SLC22A12: variants seen among roughly 807,000 people sequenced by gnomAD.
SLC22A12 encodes the protein solute carrier family 22 member 12.
SLC22A12 carries 56 observed loss-of-function variants against 52.7 expected under a neutral mutation model. That is an observed-to-expected ratio of 1.06 (90% CI 0.86 to 1.33). The LOEUF (loss-of-function observed/expected upper bound fraction) is 1.33, where lower values mean the gene tolerates loss of function less well. Among genes scored for constraint, SLC22A12 ranks in the 40% most tolerant of loss-of-function variants. The probability of loss-of-function intolerance (pLI) is 0.00; values close to 1 mark genes in which losing one functional copy is unlikely to be tolerated. For synonymous variants in SLC22A12, 337 were observed against 324.6 expected (o/e 1.04, Z -0.41); for missense variants, 683 against 741.5 (o/e 0.92, Z 0.92).
intron 1 of SLC22A12, 49 bp from the exon 2 acceptor site, chr11:64,592,730 G>C (rs750448848): frequency 6.1e-5 from 93 of 1,514,034 alleles, no homozygotes; most frequent in Non-Finnish European, 7.1e-5. Flanking sequence ...CTGCCTCTCT[G>C]CTGGGGCTCT....
At chr11:64,596,783 G>A (rs2039260636) in intron 4 of SLC22A12, among the ~76,000 whole-genome samples, 1 of 152,168 alleles carries the variant, frequency 6.6e-6, no homozygotes, top group African/African-American at 2.4e-5. Context: ...CACCAAGAGG[G>A]TAGAGAGTGG....
intron 8 of SLC22A12, 56 bp from the exon 9 acceptor site, chr11:64,600,679 G>A: frequency 6.3e-7 from 1 of 1,599,308 alleles, no homozygotes; most frequent in Non-Finnish European, 8.5e-7. Flanking sequence ...CCGGCGTGCA[G>A]GATCAAGGCT....
chr11:64,592,171 C>T (rs549386066), intron 1 of SLC22A12, among the ~76,000 whole-genome samples: 5 of 152,198 alleles, frequency 3.3e-5, no homozygotes, highest in East Asian at 1.9e-4. Flanking sequence ...CTTGGAGGTG[C>T]GGGGGGCACC....
At chr11:64,596,942 T>C (rs2039266430) in intron 4 of SLC22A12, among the ~76,000 whole-genome samples, 1 of 152,196 alleles carries the variant, frequency 6.6e-6, no homozygotes, top group Non-Finnish European at 1.5e-5. Flanking sequence ...ACTTCATTCA[T>C]TCAACAAATA....
At chr11:64,595,979 GGTTGGAATAGATGGAAT>G (rs2039188893) in intron 4 of SLC22A12, among the ~76,000 whole-genome samples, 1 of 93,084 alleles carries the variant, frequency 1.1e-5, no homozygotes, top group African/African-American at 6.1e-5. Flanking sequence ...ATGGATGGAT[GGTTGGAATAGATGGAAT>G]GGATGGATGG....
chr11:64,593,353 G>A, intron 2 of SLC22A12, 52 bp from the exon 3 acceptor site: 2 of 1,612,948 alleles, frequency 1.2e-6, no homozygotes, highest in South Asian at 1.1e-5. Flanking sequence ...GAGCCCCGTG[G>A]CCTGTGCCGT....
intron 6 of SLC22A12, 28 bp downstream of exon 6, chr11:64,598,951 C>A: frequency 6.2e-7 from 1 of 1,610,652 alleles, no homozygotes; most frequent in Admixed American, 1.7e-5. Context: ...AACCCCACCT[C>A]CACAGGGGAA....
At chr11:64,599,591 G>GGCCCCCCCC in intron 6 of SLC22A12, 85 bp from the exon 7 acceptor site, 1 of 617,180 alleles carries the variant, frequency 1.6e-6, no homozygotes. Flanking sequence ...CCCACCCTGA[G>GGCCCCCCCC]CCCCCACCGC....
In SLC22A12 at chr11:64,600,381, C is replaced by A. The variant is rs145200251; in HGVS notation, c.1300C>A (p.Arg434Ser). 1.2e-6 allele frequency: 2 copies of A among 1,605,114 alleles called. No individual in the cohort carries two copies. The highest frequency in any genetic ancestry group is 2.2e-5 in the South Asian group (2 of 89,524). ...TLVPHEMGALRSALAVLGLGG... is the reference protein window; with the variant it reads ...TLVPHEMGALSSALAVLGLGG... The stretch of plus-strand genomic sequence containing the variant: ...TCTACCCACAGAAATGGGGGCTCTG[C>A]GCTCAGCCTTGGCCGTGCTGGGGCT... Residue 434 changes from arginine to serine, a missense_variant, in exon 8 of 10, where the codon CGC becomes AGC. Transcript: ENST00000377574.
At chr11:64,599,493 G>A (rs2039370187) in intron 6 of SLC22A12, among the ~76,000 whole-genome samples, 183 bp from the exon 7 acceptor site, 1 of 152,086 alleles carries the variant, frequency 6.6e-6, no homozygotes, top group Non-Finnish European at 1.5e-5. Flanking sequence ...GCTGGCAAGG[G>A]GACCTGATAA....
intron 6 of SLC22A12, among the ~76,000 whole-genome samples, chr11:64,599,273 A>C (rs2039361687): frequency 6.6e-6 from 1 of 152,158 alleles, no homozygotes; most frequent in Non-Finnish European, 1.5e-5. Context: ...AGGGCTTATC[A>C]GAGCCCAGGA....
rs201081275 is a variant in SLC22A12, at chr11:64,599,829, G to A, written c.1224G>A (p.Thr408=). 133 of 1,612,842 alleles carry A rather than the reference G, an allele frequency of 8.2e-5. No individual in the cohort carries two copies. In the East Asian group the frequency reaches 1.5e-3, roughly 19 times the overall value. ...LLLSHLGRRP[T]LAASLLLAGL... is the part of the protein sequence containing the mutation. ...TGAGCCACCTGGGCCGCCGCCCCAC[G>A]CTGGCCGCATCCCTGTTGCTGGCAG... The change falls in exon 7 of 10, where the codon ACG becomes ACA. Residue 408 remains threonine, a synonymous_variant. Coordinates refer to ENST00000377574, the MANE Select transcript of SLC22A12 (RefSeq NM_144585.4).
intron 4 of SLC22A12, among the ~76,000 whole-genome samples, chr11:64,597,083 C>T (rs774855870): frequency 2.6e-5 from 4 of 152,294 alleles, no homozygotes; most frequent in South Asian, 2.1e-4. Flanking sequence ...TAGGGCTTGA[C>T]GAACAACCTG....
Position 64,591,499 on chromosome 11 carries a change from T to C in SLC22A12, c.-58T>C. Reference sequence around the variant, plus strand: ...AACAGGCCCGTTGCCCTGGCCTCTTTGCCCTGGGCCAGCCTTTGTGAAGTG... The same window carrying C: ...AACAGGCCCGTTGCCCTGGCCTCTTCGCCCTGGGCCAGCCTTTGTGAAGTG... On this transcript the variant is annotated 5_prime_UTR_variant, in exon 1 of 10. Coordinates refer to ENST00000377574, the MANE Select transcript of SLC22A12 (RefSeq NM_144585.4). The C allele has an allele frequency of 6.2e-7, 1 of 1,601,126 alleles. No individual in the cohort carries two copies. The highest frequency in any genetic ancestry group is 1.7e-4 in the Middle Eastern group (1 of 6,014).
rs1442641357 is a variant in SLC22A12, at chr11:64,598,646, C to T, written c.954+7C>T. 6.2e-7 allele frequency: 1 copy of T among 1,609,334 alleles called. No homozygotes were observed. The highest frequency in any genetic ancestry group is 1.7e-5 in the Admixed American group (1 of 59,614). Reference sequence around the variant, plus strand: ...GGACACCCTGACCCCTGAGGTAAGGCTGGGTCCTCCTCAAACCCGGACCCT... The same window carrying T: ...GGACACCCTGACCCCTGAGGTAAGGTTGGGTCCTCCTCAAACCCGGACCCT... On this transcript the variant is annotated splice_region_variant and intron_variant, in intron 5 of 9. Transcript: ENST00000377574.
At chr11:64,595,732 G>GGATGGATGGATGGTTGGAATA (rs1471494515) in intron 4 of SLC22A12, among the ~76,000 whole-genome samples, 1 of 148,964 alleles carries the variant, frequency 6.7e-6, no homozygotes, top group African/African-American at 2.5e-5. Flanking sequence ...TGGAATAGAC[G>GGATGGATGGATGGTTGGAATA]GATGGATGGA....
intron 1 of SLC22A12, 72 bp from the exon 2 acceptor site, chr11:64,592,707 C>T: frequency 7.8e-7 from 1 of 1,283,662 alleles, no homozygotes; most frequent in South Asian, 1.2e-5. Flanking sequence ...GGGGGCCCTC[C>T]CATGCGGTTC....
chr11:64,592,759 GCCT>G lies in SLC22A12; in HGVS notation c.403-12_403-10del, dbSNP rs750894658. ...GGGCTCTCCCAACCTCCTGAGCTCA[GCCT>G]CCTCCTCTCCCATCAGTGGAACCTC... On this transcript the variant is annotated splice_polypyrimidine_tract_variant and intron_variant, in intron 1 of 9. Transcript: ENST00000377574. 1 of 1,602,142 alleles carries G rather than the reference GCCT, an allele frequency of 6.2e-7. No individual in the cohort carries two copies. The highest frequency in any genetic ancestry group is 8.5e-7 in the Non-Finnish European group (1 of 1,169,778).
chr11:64,600,044 A>C (rs879660201), intron 7 of SLC22A12, among the ~76,000 whole-genome samples, 154 bp downstream of exon 7: 4 of 152,180 alleles, frequency 2.6e-5, no homozygotes, highest in Non-Finnish European at 5.9e-5. Flanking sequence ...CAGTGTCTGC[A>C]CTGAGCCAGC....
Sources: allele counts gnomAD v4.1 joint callset (sites outside exome capture counted in the v4.1 genomes callset), GRCh38; gene constraint gnomAD v4.1.1; transcripts MANE v1.5; gene names NCBI Gene and HGNC (gene_info 2026-07-23, HGNC 2026-07-21).